CFAP221: variants seen among roughly 807,000 people sequenced by gnomAD.
The protein encoded by CFAP221 is cilia and flagella associated protein 221.
CFAP221 carries 97 observed loss-of-function variants against 113.1 expected under a neutral mutation model. The ratio of observed to expected loss-of-function variants is 0.86; its 90% CI spans 0.73 to 1.02. The LOEUF is 1.02. Ranked by LOEUF, CFAP221 falls within the 50% of genes least tolerant of loss-of-function variation. The pLI, the probability that CFAP221 is intolerant of heterozygous loss-of-function variation, is 0.00. For missense variants in CFAP221, 1,025 were observed against 1,013.4 expected (o/e 1.01, Z -0.16); for synonymous variants, 331 against 354.4 (o/e 0.93, Z 0.74).
chr2:119,577,201 A>T (rs572223547), intron 6 of CFAP221, among the ~76,000 whole-genome samples: 1 of 152,304 alleles, frequency 6.6e-6, no homozygotes, highest in Non-Finnish European at 1.5e-5. Context: ...GAGGGGCTCC[A>T]GTCCCTTCCT....
chr2:119,600,959 G>A (rs1684324291), intron 7 of CFAP221, among the ~76,000 whole-genome samples: 1 of 152,002 alleles, frequency 6.6e-6, no homozygotes, highest in Non-Finnish European at 1.5e-5. Flanking sequence ...CTTTTATCTG[G>A]TTTATAGTAA....
At chr2:119,576,315 A>G (rs754246644) in intron 6 of CFAP221, among the ~76,000 whole-genome samples, 10 of 152,128 alleles carry the variant, frequency 6.6e-5, no homozygotes, top group Non-Finnish European at 1.3e-4. Flanking sequence ...CCTAGTACCT[A>G]ATAGCCAGTA....
At chr2:119,646,902 A>T in intron 21 of CFAP221, 56 bp from the exon 22 acceptor site, 1 of 1,444,518 alleles carries the variant, frequency 6.9e-7, no homozygotes, top group Non-Finnish European at 9.6e-7. Flanking sequence ...TTATGTAAAG[A>T]CCCCAAGACT....
At chr2:119,657,247 G>A (rs986504156), downstream of CFAP221, among the ~76,000 whole-genome samples, 4 of 152,124 alleles carry the variant, frequency 2.6e-5, no homozygotes, top group Admixed American at 2.0e-4. Flanking sequence ...TAAATAGCTG[G>A]TATCAGACTG....
At position 119,605,283 on chromosome 2, in the gene CFAP221, T is replaced by C. The variant is rs746446705; in HGVS notation, c.1127T>C (p.Leu376Pro). The change falls in exon 11 of 24, where the codon CTT (leucine) becomes CCT (proline). Residue 376 changes from leucine (L) to proline (P), a missense_variant. By Grantham distance (98) the Leu-to-Pro change is moderately conservative (BLOSUM62 -3). Transcript: ENST00000413369. Reference protein sequence around the residue: ...QDIHEEMENHLKWQVHLGKDP... With the variant: ...QDIHEEMENHPKWQVHLGKDP... ...ATTCACGAAGAGATGGAAAATCATC[T>C]TAAGTGGTAAATATTGAGCAATTGT... The C allele has an allele frequency of 1.7e-5, 27 of 1,609,484 alleles. No homozygotes were observed. The East Asian group carries it at 5.8e-4, about 35-fold the overall frequency.
At chr2:119,582,007 C>T (rs993680617) in intron 6 of CFAP221, among the ~76,000 whole-genome samples, 3 of 152,108 alleles carry the variant, frequency 2.0e-5, no homozygotes, top group African/African-American at 7.2e-5. Context: ...TCATCAGCAA[C>T]AAACAATTAA....
chr2:119,547,537 C>A (rs542623229), intron 2 of CFAP221, among the ~76,000 whole-genome samples: 1 of 152,040 alleles, frequency 6.6e-6, no homozygotes, highest in Non-Finnish European at 1.5e-5. Flanking sequence ...CCAGTCAGGG[C>A]AACAGAGCGA....
intron 12 of CFAP221, among the ~76,000 whole-genome samples, chr2:119,609,849 G>A (rs1323652379): frequency 6.6e-6 from 1 of 152,146 alleles, no homozygotes; most frequent in Non-Finnish European, 1.5e-5. Context: ...CATAGAGAAT[G>A]TACTTTTCTT....
intron 20 of CFAP221, among the ~76,000 whole-genome samples, chr2:119,638,771 C>T (rs1305911211): frequency 6.6e-6 from 1 of 152,118 alleles, no homozygotes; most frequent in African/African-American, 2.4e-5. Flanking sequence ...AGTGTAGAAA[C>T]CAGAATGGAC....
intron 21 of CFAP221, among the ~76,000 whole-genome samples, chr2:119,642,895 A>G (rs1193033767): frequency 6.6e-6 from 1 of 151,696 alleles, no homozygotes; most frequent in Non-Finnish European, 1.5e-5. Flanking sequence ...CACCCCTATG[A>G]CCTAACCCAC....
chr2:119,580,416 T>C (rs1682766955), intron 6 of CFAP221: 1 of 152,226 alleles, frequency 6.6e-6, no homozygotes, highest in South Asian at 2.1e-4. Context: ...TCTCATGTGC[T>C]CACAGTACAG....
chr2:119,592,933 A>G (rs1683696563), intron 7 of CFAP221, among the ~76,000 whole-genome samples: 1 of 152,208 alleles, frequency 6.6e-6, no homozygotes, highest in African/African-American at 2.4e-5. Context: ...TCACCAGGAT[A>G]TGTATTGGTG....
chr2:119,549,261 T>A, intron 3 of CFAP221, 76 bp downstream of exon 3: 1 of 1,172,724 alleles, frequency 8.5e-7, no homozygotes, highest in Non-Finnish European at 1.2e-6. Context: ...ATTATTCACT[T>A]ATCTAAAGCA....
rs781021432 is a variant in CFAP221, at chr2:119,611,760, A to T, written c.1311+18A>T. Reference sequence around the variant, plus strand: ...AAGAAGAGGTGGGTAACTTTCCTTTATTTAGAATCTGATTATTGGCAGCTC... The same window carrying T: ...AAGAAGAGGTGGGTAACTTTCCTTTTTTTAGAATCTGATTATTGGCAGCTC... On this transcript the variant is annotated intron_variant, in intron 13 of 23. Transcript: ENST00000413369. 6.4e-7 allele frequency: 1 copy of T among 1,574,246 alleles called. No individual in the cohort carries two copies. Among genetic ancestry groups the T allele is most frequent in the East Asian group, 2.2e-5 (1 of 44,674 alleles).
At chr2:119,556,553 TTTC>T (rs981434874) in intron 3 of CFAP221, among the ~76,000 whole-genome samples, 3 of 151,712 alleles carry the variant, frequency 2.0e-5, no homozygotes, top group African/African-American at 7.3e-5. Context: ...CTAAATTTTT[TTTC>T]TTTTTTTTTT....
In CFAP221 at chr2:119,559,747, A is replaced by G. The variant is rs1422998099; in HGVS notation, c.299A>G (p.Lys100Arg). The stretch of plus-strand genomic sequence containing the variant: ...GTTCATATTTTACCCCCGCAAACCA[A>G]ATACTTTGAGATCAATTATGTAAGA... ...TRVHILPPQT[K>R]YFEINYVRKE... The change falls in exon 4 of 24, where the codon AAA (lysine) becomes AGA (arginine). Residue 100 changes from lysine to arginine, a missense_variant. Coordinates refer to ENST00000413369, the MANE Select transcript of CFAP221 (RefSeq NM_001271049.2). 5.9e-6 allele frequency: 9 copies of G among 1,530,762 alleles called. No individual in the cohort carries two copies. 94.8% of individuals were successfully genotyped at this position (1,530,762 alleles called of 1,614,324 possible).
At chr2:119,611,549 G>T in intron 12 of CFAP221, 104 bp from the exon 13 acceptor site, 1 of 901,474 alleles carries the variant, frequency 1.1e-6, no homozygotes, top group Admixed American at 2.5e-5. Context: ...GGAACGTCGT[G>T]GGTGGATTTG....
At chr2:119,565,804 T>C (rs1457221800) in intron 6 of CFAP221, among the ~76,000 whole-genome samples, 1 of 152,216 alleles carries the variant, frequency 6.6e-6, no homozygotes, top group Non-Finnish European at 1.5e-5. Context: ...CTACATTCAA[T>C]CCAAAATGTG....
At chr2:119,583,951 T>C (rs1021454565) in intron 6 of CFAP221, among the ~76,000 whole-genome samples, 10 of 152,190 alleles carry the variant, frequency 6.6e-5, no homozygotes, top group Non-Finnish European at 1.5e-4. Context: ...GAGGAATAAA[T>C]TTCTGTTGTT....
Sources: allele counts gnomAD v4.1 joint callset (sites outside exome capture counted in the v4.1 genomes callset), GRCh38; gene constraint gnomAD v4.1.1; transcripts MANE v1.5; gene names NCBI Gene and HGNC (gene_info 2026-07-23, HGNC 2026-07-21).